Variants in PCDH11X observed in about 807,000 individuals in gnomAD.
The protein encoded by PCDH11X is protocadherin 11 X-linked, also known as protocadherin-11 X-linked.
A neutral mutation model predicts 53.3 loss-of-function variants in PCDH11X; 18 were observed. The observed-to-expected ratio is 0.34, with a 90% CI of 0.23 to 0.50. The LOEUF (loss-of-function observed/expected upper bound fraction) is 0.50. Among genes scored for constraint, PCDH11X ranks in the 20% least tolerant of loss-of-function variants. The probability of loss-of-function intolerance (pLI) is 0.98; values close to 1 mark genes in which losing one functional copy is unlikely to be tolerated. For synonymous variants in PCDH11X, 279 were observed against 393.3 expected, an observed-to-expected ratio of 0.71 and a Z score of 3.44; for missense variants, 570 against 1,032.4, an observed-to-expected ratio of 0.55 and a Z score of 6.14.
intron 6 of PCDH11X, among the ~76,000 whole-genome samples, chrX:92,047,629 G>C (rs1222666810): frequency 9.0e-6 from 1 of 110,889 alleles, no homozygotes; most frequent in Non-Finnish European, 1.9e-5. Flanking sequence ...GGTATAGAAA[G>C]GTGAGCAGCA....
At chrX:92,602,385 A>G (rs951346323) in intron 10 of PCDH11X, among the ~76,000 whole-genome samples, 36 of 112,650 alleles carry the variant, frequency 3.2e-4, no homozygotes, top group Non-Finnish European at 5.6e-4. Flanking sequence ...GCAGAGAAAA[A>G]GCCCGCTTGG....
chrX:91,782,097 C>A (rs919369470), intron 1 of PCDH11X, among the ~76,000 whole-genome samples: 2 of 111,063 alleles, frequency 1.8e-5, no homozygotes, highest in African/African-American at 6.5e-5. Flanking sequence ...CCCGCAAGCA[C>A]GAGCAGCCCT....
At chrX:91,858,607 T>A (rs753435418) in intron 5 of PCDH11X, among the ~76,000 whole-genome samples, 1,210 of 109,925 alleles carry the variant, frequency 0.011, 16 homozygotes, top group African/African-American at 0.038. Flanking sequence ...TTGAATGCTT[T>A]GCTGCTTAGA....
intron 8 of PCDH11X, among the ~76,000 whole-genome samples, chrX:92,373,397 T>A (rs1286383182): frequency 9.0e-6 from 1 of 111,473 alleles, no homozygotes; most frequent in Non-Finnish European, 1.9e-5. Context: ...CGAAGACAAG[T>A]TTTCTTGCCT....
chrX:92,557,649 A>G (rs1209740309), intron 10 of PCDH11X, among the ~76,000 whole-genome samples: 18 of 108,843 alleles, frequency 1.7e-4, no homozygotes, highest in African/African-American at 6.0e-4. Context: ...CCAAGCCTCT[A>G]TGAAGGTCCA....
chrX:92,102,006 T>C lies in PCDH11X; in HGVS notation c.3034-99369T>C, dbSNP rs1238386238. 2.7e-3 allele frequency among the ~76,000 whole-genome samples: 304 copies of C among 110,818 alleles called. 1 individual carries two copies. Among genetic ancestry groups the C allele is most frequent in the African/African-American group, 9.7e-3 (295 of 30,502 alleles). ...GTGGAACTGCCATCAATAAATCAAG[T>C]GTGATCAGGGTGAGGAACAGGAAAG... On this transcript the variant is annotated intron_variant, in intron 6 of 10. Transcript: ENST00000682573.
intron 8 of PCDH11X, among the ~76,000 whole-genome samples, chrX:92,325,028 G>A (rs1466402832): frequency 9.0e-6 from 1 of 111,566 alleles, no homozygotes; most frequent in Non-Finnish European, 1.9e-5. Flanking sequence ...ATGGTTGCAT[G>A]GTAGTCCATG....
Position 91,809,527 on chromosome X carries a change from T to A in PCDH11X, c.-317T>A, listed in dbSNP as rs1278203448. Among the ~76,000 whole-genome samples the A allele has an allele frequency of 9.4e-6, 1 of 106,285 alleles. No individual in the cohort carries two copies. The highest frequency in any genetic ancestry group is 1.9e-5 in the Non-Finnish European group (1 of 51,565). The allele number at this position is 106,285 out of a possible 115,157, so 92.3% of individuals were successfully genotyped here. A position where few individuals can be genotyped will look rare whatever the true frequency, so the allele number is the denominator to read the frequency against. ...AATGGATGGAAGAGGATGGAATATC[T>A]TAACAAAACACATTTTCCTTAAGTA... On this transcript the variant is annotated 5_prime_UTR_variant, in exon 2 of 11. Transcript: ENST00000682573.
chrX:92,532,358 A>G (rs1457388807), intron 10 of PCDH11X, among the ~76,000 whole-genome samples: 1 of 111,014 alleles, frequency 9.0e-6, no homozygotes, highest in Non-Finnish European at 1.9e-5. Flanking sequence ...TTTCTTTATT[A>G]AATACAATAT....
chrX:92,109,041 A>T (rs2064446099), intron 6 of PCDH11X, among the ~76,000 whole-genome samples: 1 of 111,099 alleles, frequency 9.0e-6, no homozygotes, highest in Admixed American at 9.7e-5. Flanking sequence ...ATTATTACTC[A>T]AATCAGCCTC....
chrX:92,121,759 C>T (rs1229621315), intron 6 of PCDH11X, among the ~76,000 whole-genome samples: 1 of 109,992 alleles, frequency 9.1e-6, no homozygotes, highest in Non-Finnish European at 1.9e-5. Flanking sequence ...TGGAGTCTCT[C>T]TCTGTTGCCA....
At chrX:91,949,158 T>C (rs1269451973) in intron 6 of PCDH11X, among the ~76,000 whole-genome samples, 1 of 110,567 alleles carries the variant, frequency 9.0e-6, no homozygotes, top group Non-Finnish European at 1.9e-5. Context: ...TCTGTCATAT[T>C]GAAGACTAAA....
chrX:92,216,150 C>G (rs1242832121), intron 7 of PCDH11X, among the ~76,000 whole-genome samples: 1 of 110,090 alleles, frequency 9.1e-6, no homozygotes, highest in Non-Finnish European at 1.9e-5. Context: ...CAGAGCACCT[C>G]TCCTCCTCCA....
chrX:92,258,442 G>A (rs1019482803), intron 7 of PCDH11X, among the ~76,000 whole-genome samples: 4 of 103,549 alleles, frequency 3.9e-5, no homozygotes, highest in African/African-American at 1.1e-4. Context: ...ATCTCGGCTC[G>A]CTGCATGCTC....
chrX:92,378,276 G>A (rs1315512779), intron 8 of PCDH11X, among the ~76,000 whole-genome samples: 3 of 108,577 alleles, frequency 2.8e-5, no homozygotes, highest in African/African-American at 1.0e-4. Flanking sequence ...TCTAATGAGT[G>A]TCAGGGTAAG....
At chrX:92,365,434 G>A (rs1414666130) in intron 8 of PCDH11X, among the ~76,000 whole-genome samples, 1 of 109,963 alleles carries the variant, frequency 9.1e-6, no homozygotes, top group African/African-American at 3.3e-5. Context: ...TAAAGACAGG[G>A]TCACACCATG....
intron 6 of PCDH11X, chrX:92,113,706 G>T (rs1231590876): frequency 5.8e-6 from 7 of 1,200,056 alleles, no homozygotes; most frequent in African/African-American, 1.9e-5. Context: ...CTCGTTCCAC[G>T]TTGATGTAGA....
intron 6 of PCDH11X, among the ~76,000 whole-genome samples, chrX:91,999,944 T>C (rs1325006881): frequency 9.0e-6 from 1 of 111,412 alleles, no homozygotes; most frequent in Non-Finnish European, 1.9e-5. Flanking sequence ...AAAATGGAAA[T>C]ATAACATTGG....
intron 9 of PCDH11X, among the ~76,000 whole-genome samples, chrX:92,452,047 A>G (rs1313371031): frequency 3.7e-5 from 4 of 109,508 alleles, no homozygotes; most frequent in African/African-American, 1.3e-4. Context: ...TCTATTGTAT[A>G]TTAATATTAT....
Sources: allele counts gnomAD v4.1 joint callset (sites outside exome capture counted in the v4.1 genomes callset), GRCh38; gene constraint gnomAD v4.1.1; transcripts MANE v1.5; gene names NCBI Gene and HGNC (gene_info 2026-07-23, HGNC 2026-07-21).